Variants in ZNF277 observed in about 807,000 individuals in gnomAD.
The protein encoded by ZNF277 is nuclear receptor-interacting factor 4.
In ZNF277, 55 loss-of-function variants were observed where a neutral mutation model predicts 60.7. The observed-to-expected ratio is 0.91, with a 90% CI of 0.73 to 1.13. The LOEUF is 1.13. ZNF277 is among the 50% of genes most tolerant of loss of function. The pLI, the probability that ZNF277 is intolerant of heterozygous loss-of-function variation, is 0.00. For missense variants in ZNF277, 510 were observed against 523.0 expected (o/e 0.98, Z 0.24); for synonymous variants, 178 against 179.3 (o/e 0.99, Z 0.06).
At chr7:112,336,225 A>C in intron 8 of ZNF277, 54 bp downstream of exon 8, 1 of 1,497,860 alleles carries the variant, frequency 6.7e-7, no homozygotes, top group African/African-American at 1.4e-5. Flanking sequence ...GTAAGAAGAC[A>C]ATGCTTTAGT....
At chr7:112,227,973 A>G (rs1822218670) in intron 1 of ZNF277, among the ~76,000 whole-genome samples, 1 of 151,938 alleles carries the variant, frequency 6.6e-6, no homozygotes, top group Non-Finnish European at 1.5e-5. Context: ...ACATCTTAAA[A>G]CAAAAGAAAT....
chr7:112,247,029 T>G (rs578012411), intron 1 of ZNF277, among the ~76,000 whole-genome samples: 18 of 152,300 alleles, frequency 1.2e-4, no homozygotes, highest in African/African-American at 4.3e-4. Context: ...AACCTAATAA[T>G]GCCACATTGC....
intron 6 of ZNF277, among the ~76,000 whole-genome samples, chr7:112,329,166 G>A (rs966821588): frequency 3.3e-5 from 5 of 152,298 alleles, no homozygotes; most frequent in African/African-American, 9.6e-5. Context: ...AAGGTGTTTA[G>A]TAGAGATAAA....
chr7:112,289,266 T>G (rs2117065753), intron 2 of ZNF277, among the ~76,000 whole-genome samples: 1 of 152,348 alleles, frequency 6.6e-6, no homozygotes, highest in Non-Finnish European at 1.5e-5. Context: ...GGGGTAATGA[T>G]AACTATTCTC....
At chr7:112,308,544 T>G (rs1792652305) in intron 4 of ZNF277, among the ~76,000 whole-genome samples, 1 of 151,734 alleles carries the variant, frequency 6.6e-6, no homozygotes. Context: ...ATTATGATCA[T>G]GATATATATG....
intron 1 of ZNF277, among the ~76,000 whole-genome samples, chr7:112,263,778 T>G (rs1791487217): frequency 6.6e-6 from 1 of 152,230 alleles, no homozygotes; most frequent in Non-Finnish European, 1.5e-5. Context: ...TTTGGTTTTG[T>G]TAAGCTTTTA....
chr7:112,238,596 T>C (rs957123088), intron 1 of ZNF277, among the ~76,000 whole-genome samples: 1 of 151,032 alleles, frequency 6.6e-6, no homozygotes, highest in Non-Finnish European at 1.5e-5. Flanking sequence ...GGTGTTCGCG[T>C]CACCCCACCC....
At chr7:112,324,554 C>A (rs1249466233) in intron 5 of ZNF277, among the ~76,000 whole-genome samples, 1 of 152,110 alleles carries the variant, frequency 6.6e-6, no homozygotes, top group African/African-American at 2.4e-5. Context: ...ACATAAGGTG[C>A]CATCTCTACT....
rs538812561 is a variant in ZNF277 at position 112,208,537 on chromosome 7, C to A, written c.91+1730C>A. Among the ~76,000 whole-genome samples the A allele has an allele frequency of 2.0e-5, 3 of 151,280 alleles. No individual in the cohort carries two copies. The South Asian group carries it at 6.3e-4, about 32-fold the overall frequency. On this transcript the variant is annotated intron_variant, in intron 1 of 11. Coordinates refer to ENST00000361822, the MANE Select transcript of ZNF277 (RefSeq NM_021994.3). ...AATTCCCTCACCTCACAGCACCACT[C>A]CCCGAGTATTAAGTGATAAGAGTTT...
intron 1 of ZNF277, among the ~76,000 whole-genome samples, chr7:112,254,443 A>C (rs1286872878): frequency 6.6e-6 from 1 of 152,218 alleles, no homozygotes; most frequent in Non-Finnish European, 1.5e-5. Flanking sequence ...GCAGTGCTGT[A>C]GTAGGCAACA....
chr7:112,333,525 C>A (rs1045822531), intron 7 of ZNF277, among the ~76,000 whole-genome samples: 1 of 152,174 alleles, frequency 6.6e-6, no homozygotes, highest in African/African-American at 2.4e-5. Context: ...GAGCTCCTCA[C>A]CTCCACTTCA....
At chr7:112,275,314 C>T (rs917242767) in intron 1 of ZNF277, among the ~76,000 whole-genome samples, 1 of 152,058 alleles carries the variant, frequency 6.6e-6, no homozygotes, top group African/African-American at 2.4e-5. Flanking sequence ...AGTAAGAACT[C>T]GTAGTAGTCT....
rs970254952 is a variant in ZNF277, at chr7:112,209,515, C to T, written c.91+2708C>T. 4.6e-5 allele frequency among the ~76,000 whole-genome samples: 7 copies of T among 151,984 alleles called. No individual in the cohort carries two copies. The East Asian group carries it at 7.7e-4, about 17-fold the overall frequency. On this transcript the variant is annotated intron_variant, in intron 1 of 11. Coordinates refer to ENST00000361822, the MANE Select transcript of ZNF277 (RefSeq NM_021994.3). ...AAAGTGTTGAGTAGTAGTGAATTTG[C>T]GGTATCTATAACATAAAAAAATTTC... is the stretch of plus-strand genomic sequence containing the variant.
chr7:112,220,028 G>A (rs752840887), intron 1 of ZNF277, among the ~76,000 whole-genome samples: 1 of 152,112 alleles, frequency 6.6e-6, no homozygotes, highest in Non-Finnish European at 1.5e-5. Context: ...ACATTGCTTT[G>A]GCTATTCCTG....
chr7:112,284,135 A>G (rs553826495), intron 1 of ZNF277, among the ~76,000 whole-genome samples: 48 of 152,334 alleles, frequency 3.2e-4, no homozygotes, highest in South Asian at 1.9e-3. Context: ...TTATGGTAGT[A>G]CTACTGAATA....
chr7:112,263,794 A>G (rs1791487458), intron 1 of ZNF277, among the ~76,000 whole-genome samples: 1 of 152,178 alleles, frequency 6.6e-6, no homozygotes, highest in Non-Finnish European at 1.5e-5. Context: ...TTTTATGAGC[A>G]TCACATATCT....
chr7:112,327,234 T>A (rs1231268998), intron 5 of ZNF277, among the ~76,000 whole-genome samples: 2 of 152,160 alleles, frequency 1.3e-5, no homozygotes, highest in Non-Finnish European at 1.5e-5. Flanking sequence ...AATGAAACTG[T>A]TTTATCTCAG....
At chr7:112,288,951 TAAAAAAAAAAAAAAA>T (rs759044500) in intron 2 of ZNF277, 8 of 70,386 alleles carry the variant, frequency 1.1e-4, no homozygotes, top group South Asian at 5.5e-4. Context: ...CTGCCTTTCT[TAAAAAAAAAAAAAAA>T]AAAAAAAAAA....
chr7:112,276,005 G>T (rs1487368908), intron 1 of ZNF277, among the ~76,000 whole-genome samples: 5 of 152,212 alleles, frequency 3.3e-5, no homozygotes, highest in African/African-American at 4.8e-5. Context: ...CTTCATCAGT[G>T]TTGTATTGTC....
Sources: allele counts gnomAD v4.1 joint callset (sites outside exome capture counted in the v4.1 genomes callset), GRCh38; gene constraint gnomAD v4.1.1; transcripts MANE v1.5; gene names NCBI Gene and HGNC (gene_info 2026-07-23, HGNC 2026-07-21).